SHLD1: variants seen among roughly 807,000 people sequenced by gnomAD.
The protein encoded by SHLD1 is RINN1-REV7-interacting novel NHEJ regulator 3.
In SHLD1, 3 loss-of-function variants were observed where a neutral mutation model predicts 5.5. The observed-to-expected ratio is 0.54, with a 90% CI of 0.25 to 1.40. SHLD1 has a LOEUF of 1.40. Among genes scored for constraint, SHLD1 ranks in the 40% most tolerant of loss-of-function variants. The probability of loss-of-function intolerance (pLI) is 0.15; values close to 1 mark genes in which losing one functional copy is unlikely to be tolerated. For synonymous variants in SHLD1, 92 were observed against 94.3 expected (o/e 0.98, Z 0.14); for missense variants, 210 against 244.4 (o/e 0.86, Z 0.94).
intron 1 of SHLD1, among the ~76,000 whole-genome samples, chr20:5,768,690 A>G (rs1600101592): frequency 1.3e-5 from 2 of 152,332 alleles, no homozygotes; most frequent in Non-Finnish European, 2.9e-5. Flanking sequence ...TTATCTATCT[A>G]TATTTCTTAC....
chr20:5,773,112 G>T, intron 2 of SHLD1, 69 bp downstream of exon 2: 1 of 1,523,292 alleles, frequency 6.6e-7, no homozygotes, highest in Non-Finnish European at 9.1e-7. Context: ...GTGATAGTTT[G>T]TTTCTCTCTC....
At chr20:5,834,287 C>G (rs2087764246) in intron 2 of SHLD1, among the ~76,000 whole-genome samples, 1 of 152,170 alleles carries the variant, frequency 6.6e-6, no homozygotes, top group Non-Finnish European at 1.5e-5. Flanking sequence ...GTGAGTCCTT[C>G]TCTTCAAATA....
At chr20:5,786,669 C>G (rs1473654970) in intron 2 of SHLD1, among the ~76,000 whole-genome samples, 1 of 152,146 alleles carries the variant, frequency 6.6e-6, no homozygotes, top group East Asian at 1.9e-4. Flanking sequence ...GGTCCTGTCC[C>G]ATGCCCTGAA....
chr20:5,836,387 A>G (rs1363076134), intron 2 of SHLD1, among the ~76,000 whole-genome samples: 1 of 152,184 alleles, frequency 6.6e-6, no homozygotes, highest in Non-Finnish European at 1.5e-5. Flanking sequence ...ATATCATGGA[A>G]TATTTTAATA....
chr20:5,797,929 C>G (rs1033264589), intron 2 of SHLD1, among the ~76,000 whole-genome samples: 2 of 152,132 alleles, frequency 1.3e-5, no homozygotes, highest in African/African-American at 4.8e-5. Flanking sequence ...GAATCAGAGG[C>G]CTTGTTTTGG....
intron 2 of SHLD1, among the ~76,000 whole-genome samples, chr20:5,789,367 A>G (rs1052879006): frequency 6.6e-6 from 1 of 152,050 alleles, no homozygotes; most frequent in African/African-American, 2.4e-5. Context: ...ACCTAAGGTC[A>G]AGAGTTTGAG....
At chr20:5,759,690 C>T (rs938718731) in intron 1 of SHLD1, among the ~76,000 whole-genome samples, 8 of 151,976 alleles carry the variant, frequency 5.3e-5, no homozygotes, top group African/African-American at 7.2e-5. Flanking sequence ...CTTGCCACCA[C>T]GACTTGCTAA....
intron 1 of SHLD1, among the ~76,000 whole-genome samples, chr20:5,770,507 A>T (rs1292113484): frequency 1.3e-5 from 2 of 152,194 alleles, no homozygotes; most frequent in Non-Finnish European, 2.9e-5. Context: ...TTCATCAAGC[A>T]TATCAGCAAA....
At chr20:5,754,040 CAGG>C (rs1200214167) in intron 1 of SHLD1, among the ~76,000 whole-genome samples, 2 of 152,180 alleles carry the variant, frequency 1.3e-5, no homozygotes, top group African/African-American at 4.8e-5. Flanking sequence ...GCTGGGATTA[CAGG>C]CATGAGCCAC....
chr20:5,826,839 C>T (rs2087671173), intron 2 of SHLD1, among the ~76,000 whole-genome samples: 1 of 152,162 alleles, frequency 6.6e-6, no homozygotes, highest in South Asian at 2.1e-4. Flanking sequence ...GGAAGAGGGC[C>T]TGGCACGCAT....
At chr20:5,779,196 T>TTAG (rs1410918034) in intron 2 of SHLD1, among the ~76,000 whole-genome samples, 3 of 149,838 alleles carry the variant, frequency 2.0e-5, no homozygotes, top group Admixed American at 2.0e-4. Flanking sequence ...AGTGAGACTC[T>TTAG]GTCTAAAAAA....
At chr20:5,783,662 A>AT (rs1158429573) in intron 2 of SHLD1, among the ~76,000 whole-genome samples, 1 of 152,186 alleles carries the variant, frequency 6.6e-6, no homozygotes, top group Non-Finnish European at 1.5e-5. Flanking sequence ...AGGATAAACC[A>AT]TAAGTGTATA....
intron 2 of SHLD1, among the ~76,000 whole-genome samples, chr20:5,817,394 TTCTCTC>T (rs144955343): frequency 0.023 from 1,749 of 75,726 alleles, 27 homozygotes; most frequent in South Asian, 0.044. Context: ...ACGGGATATT[TTCTCTC>T]TCTCTCTCTC....
intron 2 of SHLD1, among the ~76,000 whole-genome samples, chr20:5,835,404 G>A (rs1196582347): frequency 2.0e-5 from 3 of 152,190 alleles, no homozygotes; most frequent in Non-Finnish European, 2.9e-5. Flanking sequence ...GGAAGTCCCC[G>A]TGCCATAAGA....
chr20:5,768,750 C>T (rs1984984053), intron 1 of SHLD1, among the ~76,000 whole-genome samples: 1 of 152,108 alleles, frequency 6.6e-6, no homozygotes, highest in Admixed American at 6.6e-5. Flanking sequence ...GGATCAAACC[C>T]TACTTAATGT....
rs958028432 is a variant in SHLD1 at position 5,776,990 on chromosome 20, CT to C, written c.178+3958del. On this transcript the variant is annotated intron_variant, in intron 2 of 2. Transcript: ENST00000303142. The stretch of plus-strand genomic sequence containing the variant: ...GCTAAATATTTCACAAACATCATCA[CT>C]TTTTTTTTTTCTTTTCAAGACAGAG... Among the ~76,000 whole-genome samples the C allele has an allele frequency of 5.7e-3, 836 of 147,254 alleles. 9 individuals carry two copies. The highest frequency in any genetic ancestry group is 0.019 in the African/African-American group (781 of 40,434).
At chr20:5,860,840 CA>C (rs1443763814) in intron 2 of SHLD1, among the ~76,000 whole-genome samples, 1 of 116,538 alleles carries the variant, frequency 8.6e-6, no homozygotes, top group Non-Finnish European at 1.7e-5. Flanking sequence ...AAGCTCTGGG[CA>C]TAGCAAGGTC....
intron 1 of SHLD1, among the ~76,000 whole-genome samples, chr20:5,752,614 G>GTT (rs1983820645): frequency 8.2e-6 from 1 of 122,678 alleles, no homozygotes; most frequent in African/African-American, 3.5e-5. Flanking sequence ...TATATTTTGG[G>GTT]GTTTTTTTTT....
chr20:5,855,082 T>C lies in SHLD1; in HGVS notation c.179-7942T>C, dbSNP rs1371255425. On this transcript the variant is annotated intron_variant, in intron 2 of 2. Coordinates refer to ENST00000303142, the MANE Select transcript of SHLD1 (RefSeq NM_152504.4). The surrounding 1 kb of genome is among the most constrained non-coding windows in gnomAD (Gnocchi z 4.4). Reference sequence around the variant, plus strand: ...TTGTAGAGGCAGGGTCTTGCTATGTTGCCTAGGTTGGTCTCAAACTCCTGG... The same window carrying C: ...TTGTAGAGGCAGGGTCTTGCTATGTCGCCTAGGTTGGTCTCAAACTCCTGG... Among the ~76,000 whole-genome samples the C allele has an allele frequency of 6.6e-6, 1 of 151,990 alleles. No homozygotes were observed.
Sources: gnomAD v4.1 joint callset for allele counts (sites outside exome capture counted in the v4.1 genomes callset) on GRCh38, gnomAD v4.1.1 for gene constraint, Gnocchi (gnomAD v3.1) non-coding constraint, MANE v1.5 for transcripts, NCBI Gene and HGNC (gene_info 2026-07-23, HGNC 2026-07-21) for gene names.